The following POU6F2 variants were observed in gnomAD, a reference collection of about 807,000 sequenced individuals.
The protein encoded by POU6F2 is POU class 6 homeobox 2.
A neutral mutation model predicts 71.3 loss-of-function variants in POU6F2; 31 were observed. The observed-to-expected ratio is 0.43, with a 90% CI of 0.33 to 0.59. POU6F2 has a LOEUF of 0.59. Among genes scored for constraint, POU6F2 ranks in the 20% least tolerant of loss-of-function variants. POU6F2 has a pLI of 0.04. For missense variants in POU6F2, 783 were observed against 856.8 expected, an observed-to-expected ratio of 0.91 and a Z score of 1.07; for synonymous variants, 347 against 355.7, an observed-to-expected ratio of 0.98 and a Z score of 0.27.
intron 4 of POU6F2, among the ~76,000 whole-genome samples, chr7:39,288,270 A>G (rs1355816509): frequency 1.3e-5 from 2 of 152,154 alleles, no homozygotes; most frequent in Non-Finnish European, 1.5e-5. Context: ...TTGCAATAAG[A>G]CAGACCTGAG....
intron 5 of POU6F2, among the ~76,000 whole-genome samples, chr7:39,392,919 T>G (rs910620652): frequency 6.6e-6 from 1 of 152,202 alleles, no homozygotes; most frequent in Non-Finnish European, 1.5e-5. Flanking sequence ...TCTTTGCTGA[T>G]TGGGGAGATG....
intron 4 of POU6F2, among the ~76,000 whole-genome samples, chr7:39,263,642 T>C (rs1324506691): frequency 6.8e-6 from 1 of 146,082 alleles, no homozygotes; most frequent in Non-Finnish European, 1.5e-5. Flanking sequence ...TACAATTACA[T>C]GTGTGTGCAT....
At chr7:39,372,569 G>C (rs1179651859) in intron 5 of POU6F2, among the ~76,000 whole-genome samples, 2 of 152,130 alleles carry the variant, frequency 1.3e-5, no homozygotes, top group Non-Finnish European at 2.9e-5. Flanking sequence ...GATTGGATGA[G>C]GCCCACCCAC....
intron 5 of POU6F2, among the ~76,000 whole-genome samples, chr7:39,371,241 A>G (rs1786601739): frequency 6.6e-6 from 1 of 150,444 alleles, no homozygotes; most frequent in Non-Finnish European, 1.5e-5. Flanking sequence ...GTGCAGTGGC[A>G]CGATCTTGGC....
chr7:39,006,707 T>A (rs1290915640), intron 1 of POU6F2: 1 of 810,048 alleles, frequency 1.2e-6, no homozygotes, highest in African/African-American at 1.7e-5. Context: ...TTCAGCTGAG[T>A]TTTCTTTGCA....
intron 4 of POU6F2, among the ~76,000 whole-genome samples, chr7:39,287,860 G>C (rs983575132): frequency 7.1e-6 from 1 of 139,958 alleles, no homozygotes; most frequent in African/African-American, 2.5e-5. Context: ...GAAAACCACT[G>C]GCCTTGACGG....
intron 2 of POU6F2, among the ~76,000 whole-genome samples, chr7:39,128,749 T>G (rs1428951510): frequency 6.6e-6 from 1 of 152,234 alleles, no homozygotes; most frequent in African/African-American, 2.4e-5. Flanking sequence ...GATCGCCATG[T>G]GTTCTCAGGC....
chr7:39,329,476 CTTTGATTCTTAGAAGTCA>C (rs1406395999), intron 4 of POU6F2, among the ~76,000 whole-genome samples: 1 of 152,020 alleles, frequency 6.6e-6, no homozygotes, highest in Non-Finnish European at 1.5e-5. Flanking sequence ...AAAATATATA[CTTTGATTCTTAGAAGTCA>C]TTTGATTCTT....
At chr7:39,455,449 A>C (rs573081579) in intron 8 of POU6F2, among the ~76,000 whole-genome samples, 1 of 152,352 alleles carries the variant, frequency 6.6e-6, no homozygotes, top group Non-Finnish European at 1.5e-5. Flanking sequence ...ATTGCATTGC[A>C]AACTCCCAAA....
chr7:39,116,152 A>G (rs1443655744), intron 2 of POU6F2, among the ~76,000 whole-genome samples: 1 of 152,210 alleles, frequency 6.6e-6, no homozygotes, highest in East Asian at 1.9e-4. Flanking sequence ...TGGGAGGCCA[A>G]GATGGAAGGA....
intron 2 of POU6F2, among the ~76,000 whole-genome samples, chr7:39,181,882 T>G (rs192912617): frequency 6.6e-6 from 1 of 152,212 alleles, no homozygotes; most frequent in African/African-American, 2.4e-5. Context: ...AACCAACTTA[T>G]CATGTGAGCT....
chr7:39,401,805 CA>C (rs1188073222), intron 5 of POU6F2, among the ~76,000 whole-genome samples: 4 of 152,106 alleles, frequency 2.6e-5, no homozygotes, highest in Non-Finnish European at 4.4e-5. Flanking sequence ...AAGTTAGTAG[CA>C]AAAAAGAGCT....
intron 2 of POU6F2, among the ~76,000 whole-genome samples, chr7:39,196,477 G>T (rs1300674204): frequency 6.6e-6 from 1 of 152,172 alleles, no homozygotes; most frequent in Non-Finnish European, 1.5e-5. Flanking sequence ...ACTAATTTGG[G>T]CCGGGCGCAG....
At chr7:39,232,465 TCTCTAAAAAGACTATCA>T (rs1794594660) in intron 4 of POU6F2, among the ~76,000 whole-genome samples, 2 of 152,222 alleles carry the variant, frequency 1.3e-5, no homozygotes, top group African/African-American at 4.8e-5. Flanking sequence ...AAAGGAGGTG[TCTCTAAAAAGACTATCA>T]CTCATGGTCA....
chr7:39,048,726 G>A (rs940648431), intron 1 of POU6F2, among the ~76,000 whole-genome samples: 11 of 151,886 alleles, frequency 7.2e-5, no homozygotes, highest in Admixed American at 2.0e-4. Context: ...GGGTTTCATG[G>A]TAGTTCTAAG....
intron 7 of POU6F2, among the ~76,000 whole-genome samples, chr7:39,439,833 C>A (rs1788348801): frequency 6.6e-6 from 1 of 151,924 alleles, no homozygotes; most frequent in African/African-American, 2.4e-5. Context: ...TTTTCCTTTC[C>A]ATATTTAGTG....
At chr7:39,422,321 A>G (rs985229005) in intron 6 of POU6F2, among the ~76,000 whole-genome samples, 1 of 152,218 alleles carries the variant, frequency 6.6e-6, no homozygotes, top group Non-Finnish European at 1.5e-5. Flanking sequence ...CTCCCACTGA[A>G]TAAGTAATAT....
At chr7:39,314,850 T>C (rs1451425979) in intron 4 of POU6F2, among the ~76,000 whole-genome samples, 1 of 151,890 alleles carries the variant, frequency 6.6e-6, no homozygotes, top group African/African-American at 2.4e-5. Context: ...CCAACTGAGG[T>C]AATTACTCTT....
intron 7 of POU6F2, among the ~76,000 whole-genome samples, chr7:39,436,505 GT>G (rs1343724639): frequency 6.6e-5 from 10 of 151,018 alleles, no homozygotes; most frequent in African/African-American, 2.2e-4. Flanking sequence ...TTGCTTATCA[GT>G]TTAAGGAGTT....
Sources: allele counts gnomAD v4.1 joint callset (sites outside exome capture counted in the v4.1 genomes callset), GRCh38; gene constraint gnomAD v4.1.1; transcripts MANE v1.5; gene names NCBI Gene and HGNC (gene_info 2026-07-23, HGNC 2026-07-21).